The following TCF12 variants were observed in gnomAD, a reference collection of about 807,000 sequenced individuals.
TCF12 encodes DNA-binding protein HTF4.
TCF12 carries 45 observed loss-of-function variants against 86.0 expected under a neutral mutation model. The observed-to-expected ratio is 0.52, with a 90% CI of 0.41 to 0.67. The LOEUF (loss-of-function observed/expected upper bound fraction) is 0.67. TCF12 is among the 30% of genes least tolerant of loss of function. The probability of loss-of-function intolerance (pLI) is 0.00; values close to 1 mark genes in which losing one functional copy is unlikely to be tolerated. For missense variants in TCF12, 881 were observed against 859.9 expected, an observed-to-expected ratio of 1.02 and a Z score of -0.31; for synonymous variants, 330 against 299.6, an observed-to-expected ratio of 1.10 and a Z score of -1.05.
intron 5 of TCF12, among the ~76,000 whole-genome samples, chr15:57,152,190 G>A (rs1412587580): frequency 2.0e-5 from 3 of 152,146 alleles, no homozygotes; most frequent in East Asian, 1.9e-4. Context: ...ATGGAAAGAG[G>A]CATACCCACT....
chr15:57,195,686 A>G (rs1488094479), intron 7 of TCF12, among the ~76,000 whole-genome samples: 3 of 152,200 alleles, frequency 2.0e-5, no homozygotes, highest in Non-Finnish European at 4.4e-5. Flanking sequence ...TTCACTGTAG[A>G]GAATTCCCAG....
chr15:57,152,502 T>A (rs1211516332), intron 5 of TCF12, among the ~76,000 whole-genome samples: 1 of 151,136 alleles, frequency 6.6e-6, no homozygotes, highest in African/African-American at 2.4e-5. Flanking sequence ...GGAATTTAGC[T>A]GATAGATGGA....
In TCF12 at chr15:57,286,270, C is replaced by G. The variant is rs1159334659; in HGVS notation, c.*125C>G. 5.1e-6 allele frequency: 1 copy of G among 195,178 alleles called. No homozygotes were observed. Among genetic ancestry groups the G allele is most frequent in the African/African-American group, 2.4e-5 (1 of 42,388 alleles). 12.1% of individuals were successfully genotyped at this position (195,178 alleles called of 1,614,324 possible). A position where few individuals can be genotyped will look rare whatever the true frequency, so the allele number is the denominator to read the frequency against. ...AGGAGGGAGAAGAAAAAACAAAACA[C>G]TTGAACCAAGAAACTCAAATGTAAT... On this transcript the variant is annotated 3_prime_UTR_variant, in exon 21 of 21. Transcript: ENST00000333725.
chr15:57,209,327 A>T (rs1384644741), intron 8 of TCF12, among the ~76,000 whole-genome samples: 1 of 152,242 alleles, frequency 6.6e-6, no homozygotes, highest in Non-Finnish European at 1.5e-5. Context: ...ACCAAAACCA[A>T]AACAGAAAGC....
At chr15:57,146,807 C>T (rs963334976) in intron 5 of TCF12, among the ~76,000 whole-genome samples, 3 of 151,800 alleles carry the variant, frequency 2.0e-5, no homozygotes, top group African/African-American at 4.8e-5. Flanking sequence ...TTGTATTTGG[C>T]GTGAAATTGG....
intron 3 of TCF12, among the ~76,000 whole-genome samples, chr15:56,981,357 T>G (rs150596470): frequency 3.9e-5 from 6 of 152,350 alleles, no homozygotes; most frequent in African/African-American, 1.4e-4. Context: ...CTCTTTGCTG[T>G]GTCCTCTGGA....
chr15:57,087,335 C>G (rs1254965824), intron 4 of TCF12, among the ~76,000 whole-genome samples: 16 of 151,118 alleles, frequency 1.1e-4, no homozygotes, highest in African/African-American at 3.9e-4. Flanking sequence ...TTGCTTGAGC[C>G]CAGCAGATTG....
In TCF12 at chr15:57,185,712, A is replaced by C. The variant is rs1343434058; in HGVS notation, c.391-6446A>C. Among the ~76,000 whole-genome samples the C allele has an allele frequency of 4.6e-5, 7 of 152,246 alleles. No individual in the cohort carries two copies. The East Asian group carries it at 1.4e-3, about 29-fold the overall frequency. On this transcript the variant is annotated intron_variant, in intron 6 of 20. Transcript: ENST00000333725. ...AACTGGGGCAACATAGTGAGACCCC[A>C]TCTCTACAAAACAATTTAAAAATTA...
At chr15:57,078,470 C>T (rs1596425535) in intron 4 of TCF12, among the ~76,000 whole-genome samples, 1 of 152,146 alleles carries the variant, frequency 6.6e-6, no homozygotes, top group Non-Finnish European at 1.5e-5. Context: ...CAGATAATGT[C>T]TCTCTCTTCT....
At chr15:56,952,643 A>G (rs977758141) in intron 3 of TCF12, among the ~76,000 whole-genome samples, 2 of 152,152 alleles carry the variant, frequency 1.3e-5, no homozygotes, top group Admixed American at 1.3e-4. Flanking sequence ...ATACTGTTAT[A>G]TATGGCATTG....
chr15:56,998,154 G>T (rs1416097965), intron 3 of TCF12, among the ~76,000 whole-genome samples: 1 of 152,086 alleles, frequency 6.6e-6, no homozygotes, highest in Non-Finnish European at 1.5e-5. Context: ...AATTACTAAT[G>T]GTATAGAATG....
chr15:57,048,447 G>A (rs567302455), intron 3 of TCF12, among the ~76,000 whole-genome samples: 1 of 152,154 alleles, frequency 6.6e-6, no homozygotes, highest in South Asian at 2.1e-4. Context: ...ATTTTTAGTA[G>A]GGGCGGGGTT....
chr15:57,072,709 A>C, intron 4 of TCF12: 1 of 1,305,846 alleles, frequency 7.7e-7, no homozygotes, highest in Non-Finnish European at 1.0e-6. Flanking sequence ...GGGTCAGAGA[A>C]TTAAAGTAAG....
rs534741666 is a variant in TCF12 at position 56,988,498 on chromosome 15, A to G, written c.148+67400A>G. Among the ~76,000 whole-genome samples, 8 of 152,308 alleles carry G rather than the reference A, an allele frequency of 5.3e-5. No homozygotes were observed. In the East Asian group the frequency reaches 1.5e-3, roughly 29 times the overall value. On this transcript the variant is annotated intron_variant, in intron 3 of 20. Transcript: ENST00000333725. Reference sequence around the variant, plus strand: ...TGACCCAAATGTCATTATGTGGTACATGACTGTATTTTTGTTTGAACTGTT... The same window carrying G: ...TGACCCAAATGTCATTATGTGGTACGTGACTGTATTTTTGTTTGAACTGTT...
chr15:57,001,321 A>T (rs1438591934), intron 3 of TCF12: 1 of 178,868 alleles, frequency 5.6e-6, no homozygotes, highest in Non-Finnish European at 1.2e-5. Flanking sequence ...TTGTCCAGGA[A>T]TTCCACAAAT....
chr15:56,941,480 C>T (rs184071533), intron 3 of TCF12, among the ~76,000 whole-genome samples: 2 of 151,490 alleles, frequency 1.3e-5, no homozygotes, highest in Non-Finnish European at 2.9e-5. Context: ...TCTAGCAATT[C>T]TCCTGCCTCA....
intron 12 of TCF12, among the ~76,000 whole-genome samples, chr15:57,236,921 GA>G (rs2059403962): frequency 6.6e-6 from 1 of 151,906 alleles, no homozygotes; most frequent in Non-Finnish European, 1.5e-5. Flanking sequence ...GTGTTTCCCT[GA>G]ACATTTGCCA....
At chr15:57,020,729 T>G (rs1476588112) in intron 3 of TCF12, among the ~76,000 whole-genome samples, 1 of 152,164 alleles carries the variant, frequency 6.6e-6, no homozygotes, top group Non-Finnish European at 1.5e-5. Context: ...GGTAAGCATG[T>G]TATTTCAGGT....
chr15:57,283,767 A>T (rs2061805968), intron 20 of TCF12, among the ~76,000 whole-genome samples: 1 of 152,216 alleles, frequency 6.6e-6, no homozygotes. Context: ...TTTGATAGAT[A>T]AACTACAAAT....
Sources: allele counts gnomAD v4.1 joint callset (sites outside exome capture counted in the v4.1 genomes callset), GRCh38; gene constraint gnomAD v4.1.1; transcripts MANE v1.5; gene names NCBI Gene and HGNC (gene_info 2026-07-23, HGNC 2026-07-21).